Variants in RALGPS2 observed in about 807,000 individuals in gnomAD.
The protein encoded by RALGPS2 is ras-specific guanine nucleotide-releasing factor RalGPS2.
RALGPS2 carries 43 observed loss-of-function variants against 86.8 expected under a neutral mutation model. The observed-to-expected ratio is 0.50, with a 90% CI of 0.39 to 0.64. The LOEUF (loss-of-function observed/expected upper bound fraction) is 0.64, where lower values mean the gene tolerates loss of function less well. Among genes scored for constraint, RALGPS2 ranks in the 30% least tolerant of loss-of-function variants. RALGPS2 has a pLI of 0.00. For synonymous variants in RALGPS2, 243 were observed against 231.3 expected (o/e 1.05, Z -0.46); for missense variants, 536 against 694.6 (o/e 0.77, Z 2.57).
chr1:178,856,458 TG>T (rs1295666599), intron 8 of RALGPS2, among the ~76,000 whole-genome samples: 1 of 125,458 alleles, frequency 8.0e-6, no homozygotes, highest in East Asian at 2.6e-4. Flanking sequence ...TTGCCCAGGG[TG>T]GTCTTGAACT....
intron 8 of RALGPS2, chr1:178,850,433 A>G (rs1005065461): frequency 2.0e-5 from 3 of 152,306 alleles, no homozygotes; most frequent in African/African-American, 4.8e-5. Flanking sequence ...ATATGAAGAT[A>G]ACACTGAAAA....
At chr1:178,789,816 C>T (rs1000729008) in intron 4 of RALGPS2, among the ~76,000 whole-genome samples, 4 of 152,170 alleles carry the variant, frequency 2.6e-5, no homozygotes, top group Non-Finnish European at 2.9e-5. Context: ...TTTTATCTGA[C>T]TGGCACATAG....
In RALGPS2 at chr1:178,892,238, T is replaced by C. The variant is rs1358167326; in HGVS notation, c.1256T>C (p.Leu419Ser). 1 of 1,612,448 alleles carries C rather than the reference T, an allele frequency of 6.2e-7. No individual in the cohort carries two copies. Among genetic ancestry groups the C allele is most frequent in the Non-Finnish European group, 8.5e-7 (1 of 1,178,870 alleles). ...ATAATGGAATCCAACAGGAACAGAT[T>C]ATACCATTCTCTCGGCCCGGTGACA... ...TSWPAFERNRLYHSLGPVTRV... is the reference protein window; with the variant it reads ...TSWPAFERNRSYHSLGPVTRV... Residue 419 changes from leucine to serine, a missense_variant, in exon 15 of 20, where the codon TTA (leucine) becomes TCA (serine). Physicochemically the swap from Leu to Ser is moderately radical, Grantham distance 145. Around this residue, in one of 3 missense-constraint regions of RALGPS2, gnomAD observed 309 missense variants for 363.0 expected, o/e 0.85. Transcript: ENST00000367635.
chr1:178,811,452 G>A, intron 6 of RALGPS2, 48 bp downstream of exon 6: 1 of 1,222,698 alleles, frequency 8.2e-7, no homozygotes, highest in Non-Finnish European at 1.1e-6. Flanking sequence ...ATTCATAAAT[G>A]TTTGTAAGTG....
In RALGPS2 at chr1:178,792,134, T is replaced by G. The variant is rs769754294; in HGVS notation, c.213+6527T>G. ...AACAAGAAAACAGGTTTTGGTACTTTATTTTCTAGTTTTTTGTGTAATGAT... is the reference window on the plus strand; with the variant it reads ...AACAAGAAAACAGGTTTTGGTACTTGATTTTCTAGTTTTTTGTGTAATGAT... On this transcript the variant is annotated intron_variant, in intron 4 of 19. Transcript: ENST00000367635. 5.9e-5 allele frequency among the ~76,000 whole-genome samples: 9 copies of G among 152,214 alleles called. 1 individual carries two copies. In the South Asian group the frequency reaches 1.2e-3, roughly 21 times the overall value.
chr1:178,865,815 A>G (rs1658368332), intron 8 of RALGPS2: 2 of 1,468,194 alleles, frequency 1.4e-6, no homozygotes, highest in East Asian at 4.5e-5. Context: ...TTTGAAAAAC[A>G]AATCAGTGAA....
chr1:178,819,434 G>T (rs1655392489), intron 6 of RALGPS2, among the ~76,000 whole-genome samples: 1 of 152,112 alleles, frequency 6.6e-6, no homozygotes, highest in Non-Finnish European at 1.5e-5. Context: ...CTTCTATCCT[G>T]CCCTTACGCT....
At chr1:178,790,357 G>C (rs1388397623) in intron 4 of RALGPS2, among the ~76,000 whole-genome samples, 1 of 152,146 alleles carries the variant, frequency 6.6e-6, no homozygotes, top group African/African-American at 2.4e-5. Context: ...TTAAAATTTA[G>C]TATGATATAT....
intron 12 of RALGPS2, chr1:178,885,485 A>G (rs1659441894): frequency 3.3e-6 from 1 of 300,280 alleles, no homozygotes. Context: ...CAGGATAGCA[A>G]TATACCTTTT....
At chr1:178,912,927 C>T (rs191252299) in intron 19 of RALGPS2, among the ~76,000 whole-genome samples, 7 of 152,136 alleles carry the variant, frequency 4.6e-5, no homozygotes, top group East Asian at 3.9e-4. Context: ...GAGTGCTCTT[C>T]GAGTTCTGAG....
intron 1 of RALGPS2, among the ~76,000 whole-genome samples, chr1:178,763,531 T>C (rs1652351766): frequency 6.6e-6 from 1 of 152,188 alleles, no homozygotes; most frequent in African/African-American, 2.4e-5. Flanking sequence ...TTGAGCAGTG[T>C]TTTATAATCT....
At chr1:178,839,658 A>G (rs1457467704) in intron 8 of RALGPS2, among the ~76,000 whole-genome samples, 3 of 152,228 alleles carry the variant, frequency 2.0e-5, no homozygotes, top group African/African-American at 7.2e-5. Context: ...ATTCACACAT[A>G]ACAATATTAA....
intron 1 of RALGPS2, among the ~76,000 whole-genome samples, chr1:178,748,319 C>G (rs975614046): frequency 2.8e-4 from 22 of 78,118 alleles, no homozygotes; most frequent in African/African-American, 9.5e-4. Flanking sequence ...GACTCCGTCT[C>G]AAAAAAAAAA....
At position 178,916,806 on chromosome 1, in the gene RALGPS2, G is replaced by A. The variant is rs1467635040; in HGVS notation, c.*447G>A. 6.5e-6 allele frequency: 1 copy of A among 154,804 alleles called. No homozygotes were observed. Among genetic ancestry groups the A allele is most frequent in the Non-Finnish European group, 1.4e-5 (1 of 69,934 alleles). 9.6% of individuals were successfully genotyped at this position (154,804 alleles called of 1,614,324 possible). On this transcript the variant is annotated 3_prime_UTR_variant, in exon 20 of 20. Transcript: ENST00000367635. ...CATACTCTTGTGGATTCCATCAGGA[G>A]CTGGTTTTGAACCGAGGTGAAGAGA... is the stretch of plus-strand genomic sequence containing the variant.
intron 8 of RALGPS2, among the ~76,000 whole-genome samples, chr1:178,869,755 C>T (rs1248309672): frequency 1.3e-5 from 2 of 152,128 alleles, no homozygotes; most frequent in South Asian, 2.1e-4. Flanking sequence ...CCATTAATAT[C>T]TTTAATTTTT....
chr1:178,855,567 T>G (rs1430353021), intron 8 of RALGPS2, among the ~76,000 whole-genome samples: 1 of 151,982 alleles, frequency 6.6e-6, no homozygotes, highest in East Asian at 1.9e-4. Flanking sequence ...TATGGTGTCT[T>G]TCCTGCGTTA....
Position 178,802,053 on chromosome 1 carries a change from T to C in RALGPS2, c.214-5992T>C, listed in dbSNP as rs74673626. ...ATCAGAACTACACTTTACCCTTGAA[T>C]GTCTCTGGAGTTAGAAACACCAGGC... is the stretch of plus-strand genomic sequence containing the variant. On this transcript the variant is annotated intron_variant, in intron 4 of 19. Coordinates refer to ENST00000367635, the MANE Select transcript of RALGPS2 (RefSeq NM_152663.5). Among the ~76,000 whole-genome samples, 907 of 152,276 alleles carry C rather than the reference T, an allele frequency of 6.0e-3. 15 individuals carry two copies. Among genetic ancestry groups the C allele is most frequent in the African/African-American group, 0.021 (879 of 41,564 alleles).
At chr1:178,850,091 A>G (rs960204518) in intron 8 of RALGPS2, 8 of 152,670 alleles carry the variant, frequency 5.2e-5, no homozygotes, top group Non-Finnish European at 1.2e-4. Context: ...GGACTAAGCT[A>G]TGCCCCTGTG....
intron 7 of RALGPS2, among the ~76,000 whole-genome samples, chr1:178,823,650 G>A (rs1655614538): frequency 6.6e-6 from 1 of 152,186 alleles, no homozygotes; most frequent in Non-Finnish European, 1.5e-5. Flanking sequence ...GGTTAGTGTT[G>A]ACAGTAGAAT....
Sources: gnomAD v4.1 joint callset for allele counts (sites outside exome capture counted in the v4.1 genomes callset) on GRCh38, gnomAD v4.1.1 for gene constraint, gnomAD v4.1.1 regional missense constraint, MANE v1.5 for transcripts, NCBI Gene and HGNC (gene_info 2026-07-23, HGNC 2026-07-21) for gene names.